Variants in KLHL29 observed in about 807,000 individuals in gnomAD.
KLHL29 encodes kelch-like protein 29.
A neutral mutation model predicts 80.4 loss-of-function variants in KLHL29; 21 were observed. The observed-to-expected ratio is 0.26, with a 90% CI of 0.19 to 0.38. The LOEUF (loss-of-function observed/expected upper bound fraction) is 0.38. KLHL29 is among the 10% of genes least tolerant of loss of function. The probability of loss-of-function intolerance (pLI) is 1.00; values close to 1 mark genes in which losing one functional copy is unlikely to be tolerated. For synonymous variants in KLHL29, 511 were observed against 526.8 expected, an observed-to-expected ratio of 0.97 and a Z score of 0.41; for missense variants, 867 against 1,223.9, an observed-to-expected ratio of 0.71 and a Z score of 4.35.
intron 1 of KLHL29, among the ~76,000 whole-genome samples, chr2:23,388,727 C>G (rs1403717707): frequency 6.6e-6 from 1 of 152,184 alleles, no homozygotes; most frequent in East Asian, 1.9e-4. Flanking sequence ...AAAGCCTACA[C>G]TATTCCCAGC....
chr2:23,449,062 C>T (rs181019437), intron 1 of KLHL29, among the ~76,000 whole-genome samples: 108 of 152,262 alleles, frequency 7.1e-4, no homozygotes, highest in African/African-American at 2.5e-3. Context: ...AGTGGTGGAT[C>T]CAGGATTTGA....
intron 3 of KLHL29, among the ~76,000 whole-genome samples, chr2:23,632,034 G>A (rs569159230): frequency 5.3e-5 from 8 of 152,042 alleles, no homozygotes; most frequent in South Asian, 4.1e-4. Flanking sequence ...TGGGTCCCTC[G>A]CCCAACACCA....
chr2:23,549,772 G>A (rs183754980), intron 2 of KLHL29, among the ~76,000 whole-genome samples: 16 of 152,278 alleles, frequency 1.1e-4, no homozygotes, highest in African/African-American at 2.9e-4. Flanking sequence ...TCAAGGCCCC[G>A]GAGATCCCCT....
chr2:23,421,020 G>A (rs1256163119), intron 1 of KLHL29, among the ~76,000 whole-genome samples: 3 of 152,160 alleles, frequency 2.0e-5, no homozygotes, highest in African/African-American at 7.2e-5. Context: ...TCGCACACTA[G>A]TCCTCACAGC....
intron 5 of KLHL29, among the ~76,000 whole-genome samples, chr2:23,673,919 C>T (rs1236341874): frequency 2.0e-5 from 3 of 152,212 alleles, no homozygotes; most frequent in African/African-American, 7.2e-5. Flanking sequence ...ACACTCACAA[C>T]CATGTGTGCA....
chr2:23,420,786 C>A (rs1265930355), intron 1 of KLHL29, among the ~76,000 whole-genome samples: 1 of 152,158 alleles, frequency 6.6e-6, no homozygotes. Flanking sequence ...ACTGCTGAGG[C>A]CCATCTGTCA....
rs1413017283 is a variant in KLHL29, at chr2:23,623,363, TG to T, written c.286-15772del. On this transcript the variant is annotated intron_variant, in intron 3 of 13. Transcript: ENST00000486442. ...AGTGGCAGGAGGACAGTCCGCTGTCTGGGGAACAATATGTTTGCCTGCCCCT... is the reference window on the plus strand; with the variant it reads ...AGTGGCAGGAGGACAGTCCGCTGTCTGGGAACAATATGTTTGCCTGCCCCT... 2.0e-5 allele frequency among the ~76,000 whole-genome samples: 3 copies of T among 152,206 alleles called. No homozygotes were observed. In the East Asian group the frequency reaches 5.8e-4, roughly 29 times the overall value.
intron 1 of KLHL29, among the ~76,000 whole-genome samples, chr2:23,412,109 T>G: frequency 1.3e-5 from 1 of 78,772 alleles, no homozygotes; most frequent in African/African-American, 5.7e-5. Flanking sequence ...GTTGCAAAAA[T>G]GTGTGTGCGT....
At chr2:23,564,179 C>T (rs1000449903) in intron 3 of KLHL29, among the ~76,000 whole-genome samples, 8 of 152,224 alleles carry the variant, frequency 5.3e-5, no homozygotes, top group Admixed American at 4.6e-4. Flanking sequence ...TTGGGCTGCT[C>T]TGGGGGATGA....
rs1671128149 is a variant in KLHL29 at position 23,682,838 on chromosome 2, C to T, written c.941-1561C>T. 6.6e-6 allele frequency among the ~76,000 whole-genome samples: 1 copy of T among 152,188 alleles called. No homozygotes were observed. The highest frequency in any genetic ancestry group is 1.5e-5 in the Non-Finnish European group (1 of 68,046). ...CCCCTTCCGCACCCCTGGAGATGCT[C>T]TGCTGTGACTCCAGACTCAGTGTGA... On this transcript the variant is annotated intron_variant, in intron 5 of 13. Coordinates refer to ENST00000486442, the MANE Select transcript of KLHL29 (RefSeq NM_052920.2). This position sits in a 1 kb window ranked among gnomAD's most constrained non-coding sequence, Gnocchi z 4.1.
rs1333332249 is a variant in KLHL29 at position 23,613,575 on chromosome 2, C to T, written c.286-25564C>T. Among the ~76,000 whole-genome samples the T allele has an allele frequency of 2.6e-5, 4 of 152,034 alleles. No homozygotes were observed. The East Asian group carries it at 7.7e-4, about 29-fold the overall frequency. ...GGTCAGGAATTCAAGACCAGCCTGG[C>T]CAACATGGTGAAACCCCATCTCTAC... On this transcript the variant is annotated intron_variant, in intron 3 of 13. Transcript: ENST00000486442.
intron 2 of KLHL29, among the ~76,000 whole-genome samples, chr2:23,496,260 T>A (rs1031222802): frequency 2.6e-5 from 4 of 152,246 alleles, no homozygotes; most frequent in African/African-American, 7.2e-5. Context: ...ATACCACTTA[T>A]AATTTTTTAT....
chr2:23,536,162 G>T (rs773832776), intron 2 of KLHL29, among the ~76,000 whole-genome samples: 1 of 152,172 alleles, frequency 6.6e-6, no homozygotes, highest in Non-Finnish European at 1.5e-5. Context: ...AGACAAAGGT[G>T]GGTGACCACA....
intron 3 of KLHL29, among the ~76,000 whole-genome samples, chr2:23,634,478 G>A (rs1041393730): frequency 2.0e-5 from 3 of 152,152 alleles, no homozygotes; most frequent in African/African-American, 7.2e-5. Flanking sequence ...ATCTCTTCTG[G>A]AAGCTTCTTC....
At chr2:23,560,805 T>G (rs1246206642) in intron 2 of KLHL29, among the ~76,000 whole-genome samples, 1 of 152,194 alleles carries the variant, frequency 6.6e-6, no homozygotes, top group Non-Finnish European at 1.5e-5. Context: ...GGTAGGAGGC[T>G]GCTTGGGTTG....
intron 7 of KLHL29, 62 bp from the exon 8 acceptor site, chr2:23,693,207 G>A: frequency 6.7e-7 from 1 of 1,496,112 alleles, no homozygotes; most frequent in Non-Finnish European, 9.0e-7. Context: ...TGACAGCAAT[G>A]GGAACAGGTG....
chr2:23,451,070 C>A (rs1663865851), intron 1 of KLHL29, among the ~76,000 whole-genome samples: 1 of 152,222 alleles, frequency 6.6e-6, no homozygotes. Context: ...AATTCTTTCA[C>A]TTAGCATAAA....
intron 3 of KLHL29, among the ~76,000 whole-genome samples, chr2:23,573,078 T>TG (rs55956881): frequency 1 from 152,349 of 152,354 alleles, 76,172 homozygotes; most frequent in Middle Eastern, 1. Flanking sequence ...GGTTCGTAGT[T>TG]GGGCCTGAGC....
intron 11 of KLHL29, among the ~76,000 whole-genome samples, chr2:23,702,581 G>A (rs1363248556): frequency 6.6e-6 from 1 of 152,144 alleles, no homozygotes; most frequent in Non-Finnish European, 1.5e-5. Flanking sequence ...CTAGCTAGTA[G>A]CTTATTCACT....
Sources: allele counts gnomAD v4.1 joint callset (sites outside exome capture counted in the v4.1 genomes callset), GRCh38; gene constraint gnomAD v4.1.1; non-coding constraint Gnocchi (gnomAD v3.1); transcripts MANE v1.5; gene names NCBI Gene and HGNC (gene_info 2026-07-23, HGNC 2026-07-21).